The following RBFOX1 variants were observed in gnomAD, a reference collection of about 807,000 sequenced individuals.
RBFOX1 encodes RNA binding protein fox-1 homolog 1.
In RBFOX1, 8 loss-of-function variants were observed where a neutral mutation model predicts 57.7. The observed-to-expected ratio is 0.14, with a 90% confidence interval of 0.08 to 0.25. The LOEUF (loss-of-function observed/expected upper bound fraction) is 0.25, where lower values mean the gene tolerates loss of function less well. Among genes scored for constraint, RBFOX1 ranks in the 10% least tolerant of loss-of-function variants. The pLI, the probability that RBFOX1 is intolerant of heterozygous loss-of-function variation, is 1.00. For missense variants in RBFOX1, 611 were observed against 548.5 expected, an observed-to-expected ratio of 1.11 and a Z score of -1.14; for synonymous variants, 326 against 222.4, an observed-to-expected ratio of 1.47 and a Z score of -4.15.
chr16:7,064,598 C>A (rs1337050934), intron 4 of RBFOX1, among the ~76,000 whole-genome samples: 1 of 152,146 alleles, frequency 6.6e-6, no homozygotes, highest in African/African-American at 2.4e-5. Flanking sequence ...ACCCCCCTGA[C>A]ACCTGAGTCG....
intron 3 of RBFOX1, among the ~76,000 whole-genome samples, chr16:6,744,569 A>G (rs537532760): frequency 6.6e-6 from 1 of 152,154 alleles, no homozygotes; most frequent in African/African-American, 2.4e-5. Flanking sequence ...CACTTGGAGA[A>G]TAAGCCACAC....
chr16:6,463,588 G>A (rs984173118), intron 2 of RBFOX1, among the ~76,000 whole-genome samples: 16 of 152,090 alleles, frequency 1.1e-4, no homozygotes, highest in Non-Finnish European at 1.8e-4. Context: ...GAAGAGTATT[G>A]ACTTTCAGAC....
chr16:5,399,928 G>A (rs515862), intron 1 of RBFOX1, among the ~76,000 whole-genome samples: 41 of 151,874 alleles, frequency 2.7e-4, no homozygotes, highest in Admixed American at 1.8e-3. Flanking sequence ...GTAAGAATTC[G>A]TGAACCCAAC....
chr16:7,461,313 A>G (rs892016067), intron 4 of RBFOX1, among the ~76,000 whole-genome samples: 33 of 151,954 alleles, frequency 2.2e-4, no homozygotes, highest in Admixed American at 1.3e-4. Flanking sequence ...GATTACAGAT[A>G]TGTGCCACCA....
At chr16:6,352,759 G>A (rs532185230) in intron 2 of RBFOX1, among the ~76,000 whole-genome samples, 3 of 152,262 alleles carry the variant, frequency 2.0e-5, no homozygotes, top group South Asian at 2.1e-4. Flanking sequence ...ATTAACTCAC[G>A]AAGCTGCAAG....
intron 2 of RBFOX1, among the ~76,000 whole-genome samples, chr16:6,351,042 A>T (rs1286844518): frequency 6.6e-6 from 1 of 152,114 alleles, no homozygotes; most frequent in Non-Finnish European, 1.5e-5. Context: ...TTATCCTTTC[A>T]GTTTTCTCCT....
chr16:7,378,161 G>C (rs1444243100), intron 4 of RBFOX1, among the ~76,000 whole-genome samples: 1 of 152,204 alleles, frequency 6.6e-6, no homozygotes, highest in Non-Finnish European at 1.5e-5. Flanking sequence ...GAGTAAGGCA[G>C]TATGAGCTTT....
intron 12 of RBFOX1, among the ~76,000 whole-genome samples, chr16:7,654,912 A>T (rs74011950): frequency 0.035 from 5,344 of 152,282 alleles, 177 homozygotes; most frequent in East Asian, 0.19. Flanking sequence ...TCAGACTCAA[A>T]GTCAGTCATG....
intron 4 of RBFOX1, among the ~76,000 whole-genome samples, chr16:7,482,882 A>C (rs753769568): frequency 2.0e-5 from 3 of 152,114 alleles, no homozygotes; most frequent in Non-Finnish European, 4.4e-5. Context: ...GCAGAAGCAA[A>C]GACTGAGAGG....
At chr16:6,884,706 T>G (rs571028693) in intron 3 of RBFOX1, among the ~76,000 whole-genome samples, 1 of 152,232 alleles carries the variant, frequency 6.6e-6, no homozygotes, top group African/African-American at 2.4e-5. Flanking sequence ...CAGACCAGCT[T>G]GGGCAACATG....
chr16:7,488,135 T>G (rs1050944379), intron 4 of RBFOX1, among the ~76,000 whole-genome samples: 3 of 152,142 alleles, frequency 2.0e-5, no homozygotes, highest in Admixed American at 6.5e-5. Context: ...GCCGTGCTAG[T>G]GTGTCCCTGC....
chr16:6,298,111 C>A (rs1222791953), intron 1 of RBFOX1, among the ~76,000 whole-genome samples: 2 of 152,204 alleles, frequency 1.3e-5, no homozygotes, highest in African/African-American at 4.8e-5. Flanking sequence ...GCTAAAAGAG[C>A]ACACTGTAAC....
At chr16:5,925,386 A>C (rs960681097) in intron 4 of RBFOX1, among the ~76,000 whole-genome samples, 1 of 152,222 alleles carries the variant, frequency 6.6e-6, no homozygotes. Context: ...TACCATACTT[A>C]GTAGAAAAAA....
At chr16:5,331,774 C>T (rs1469189867) in intron 1 of RBFOX1, among the ~76,000 whole-genome samples, 1 of 152,238 alleles carries the variant, frequency 6.6e-6, no homozygotes, top group African/African-American at 2.4e-5. Flanking sequence ...CAGGTGATAG[C>T]CTTGTAGAAG....
intron 2 of RBFOX1, among the ~76,000 whole-genome samples, chr16:5,508,955 T>A (rs950420141): frequency 1.3e-5 from 2 of 152,202 alleles, no homozygotes; most frequent in African/African-American, 4.8e-5. Context: ...CTTTGCCCAC[T>A]CATCTCAAGC....
chr16:6,132,950 A>C (rs1193714793), intron 1 of RBFOX1, among the ~76,000 whole-genome samples: 31 of 149,132 alleles, frequency 2.1e-4, no homozygotes, highest in Non-Finnish European at 7.4e-5. Context: ...GGGCAACAGA[A>C]CGAGACTCTG....
rs150589632 is a variant in RBFOX1 at position 7,367,565 on chromosome 16, G to C, written c.28-150582G>C. Reference sequence around the variant, plus strand: ...TTTGCATTCTGGAGTTAATGGAAGAGATGGAAATCTAATCAGCTCACAATA... The same window carrying C: ...TTTGCATTCTGGAGTTAATGGAAGACATGGAAATCTAATCAGCTCACAATA... On this transcript the variant is annotated intron_variant, in intron 4 of 15. Transcript: ENST00000550418. Among the ~76,000 whole-genome samples the C allele has an allele frequency of 8.1e-4, 124 of 152,286 alleles. 2 individuals carry two copies. In the East Asian group the frequency reaches 0.017, roughly 21 times the overall value.
intron 2 of RBFOX1, among the ~76,000 whole-genome samples, chr16:6,351,352 G>GTA (rs1261402122): frequency 0.053 from 4,914 of 92,242 alleles, 170 homozygotes; most frequent in Non-Finnish European, 0.074. Flanking sequence ...GTGTGTGTGT[G>GTA]TATATATATA....
intron 5 of RBFOX1, among the ~76,000 whole-genome samples, chr16:7,567,731 T>C (rs2092234712): frequency 3.4e-5 from 1 of 29,284 alleles, no homozygotes; most frequent in Non-Finnish European, 1.7e-4. Context: ...TATCCCTATA[T>C]ATAATCCCTA....
Sources: allele counts gnomAD v4.1 joint callset (sites outside exome capture counted in the v4.1 genomes callset), GRCh38; gene constraint gnomAD v4.1.1; transcripts MANE v1.5; gene names NCBI Gene and HGNC (gene_info 2026-07-23, HGNC 2026-07-21).